Variants in SPAG16 observed in about 807,000 individuals in gnomAD.
SPAG16 encodes sperm-associated antigen 16 protein.
In SPAG16, 86 loss-of-function variants were observed where a neutral mutation model predicts 80.4. The ratio of observed to expected loss-of-function variants is 1.07; its 90% CI spans 0.90 to 1.28. SPAG16 has a LOEUF of 1.28. SPAG16 is among the 50% of genes most tolerant of loss of function. The pLI is 0.00. For missense variants in SPAG16, 870 were observed against 765.3 expected (o/e 1.14, Z -1.61); for synonymous variants, 294 against 265.9 (o/e 1.11, Z -1.03).
chr2:213,581,911 A>T (rs1463770400), intron 10 of SPAG16, among the ~76,000 whole-genome samples: 1 of 152,124 alleles, frequency 6.6e-6, no homozygotes, highest in East Asian at 1.9e-4. Context: ...TAAAAGAGCC[A>T]CAAGATTTCC....
chr2:213,485,932 A>G (rs2073952151), intron 9 of SPAG16, among the ~76,000 whole-genome samples: 1 of 152,088 alleles, frequency 6.6e-6, no homozygotes, highest in East Asian at 1.9e-4. Flanking sequence ...AGAAAGAGGT[A>G]CCCATTGGGT....
chr2:214,076,304 CAT>C (rs931953192), intron 13 of SPAG16, among the ~76,000 whole-genome samples: 2 of 152,084 alleles, frequency 1.3e-5, no homozygotes, highest in Non-Finnish European at 2.9e-5. Flanking sequence ...ATATCTAAAA[CAT>C]ATTAGTTAAC....
chr2:214,124,451 A>C (rs372166893), intron 14 of SPAG16, among the ~76,000 whole-genome samples: 1 of 151,844 alleles, frequency 6.6e-6, no homozygotes, highest in Non-Finnish European at 1.5e-5. Context: ...CTTAATTTGC[A>C]TGTGATTTAA....
At position 213,692,941 on chromosome 2, in the gene SPAG16, C is replaced by A. The variant is rs188950186; in HGVS notation, c.1071-169544C>A. The stretch of plus-strand genomic sequence containing the variant: ...ACATTTTAAGAATGTTCACTGAAAA[C>A]CCTTTTAAAACAACAGGTTCTGAAT... On this transcript the variant is annotated intron_variant, in intron 10 of 15. Coordinates refer to ENST00000331683, the MANE Select transcript of SPAG16 (RefSeq NM_024532.5). 8.5e-4 allele frequency among the ~76,000 whole-genome samples: 130 copies of A among 152,086 alleles called. No individual in the cohort carries two copies. The East Asian group carries it at 0.016, about 19-fold the overall frequency.
In SPAG16 at chr2:213,980,712, G is replaced by GTGTATA. The variant is rs1469351640; in HGVS notation, c.1401-33238_1401-33237insGTATAT. ...ATAGAATATATGTGTGTGTGTGTGT[G>GTGTATA]TATATATATATATAGAGAGAGAGAG... On this transcript the variant is annotated intron_variant, in intron 12 of 15. Transcript: ENST00000331683. 2.2e-3 allele frequency among the ~76,000 whole-genome samples: 256 copies of GTGTATA among 113,954 alleles called. 5 individuals are homozygous for GTGTATA. Among genetic ancestry groups the GTGTATA allele is most frequent in the African/African-American group, 9.4e-3 (244 of 26,090 alleles). The allele number at this position is 113,954 out of a possible 152,430, so 74.8% of individuals were successfully genotyped here.
chr2:214,198,252 C>T (rs2057903471), intron 15 of SPAG16, among the ~76,000 whole-genome samples: 1 of 151,984 alleles, frequency 6.6e-6, no homozygotes, highest in African/African-American at 2.4e-5. Flanking sequence ...CTCTCCTACC[C>T]TTCCCCCACC....
chr2:213,839,813 T>C (rs2125750909), intron 10 of SPAG16, among the ~76,000 whole-genome samples: 1 of 152,264 alleles, frequency 6.6e-6, no homozygotes, highest in South Asian at 2.1e-4. Context: ...ATTACTCACA[T>C]TTTCATGAGC....
chr2:213,959,226 G>A (rs969935239), intron 12 of SPAG16, among the ~76,000 whole-genome samples: 2 of 152,068 alleles, frequency 1.3e-5, no homozygotes, highest in East Asian at 3.9e-4. Context: ...ATATGTCTCA[G>A]TGTGGTCTCT....
chr2:213,320,875 A>C (rs1281618643), intron 5 of SPAG16, among the ~76,000 whole-genome samples: 3 of 152,012 alleles, frequency 2.0e-5, no homozygotes, highest in South Asian at 4.1e-4. Flanking sequence ...TGCTGCAATT[A>C]AGTTTTGAAA....
At chr2:213,293,165 C>A (rs2062364324) in intron 1 of SPAG16, among the ~76,000 whole-genome samples, 1 of 152,118 alleles carries the variant, frequency 6.6e-6, no homozygotes, top group Non-Finnish European at 1.5e-5. Context: ...CTGCTTGCAC[C>A]CATTCTCTCT....
intron 13 of SPAG16, among the ~76,000 whole-genome samples, chr2:214,060,672 G>A (rs2050215774): frequency 1.3e-5 from 2 of 151,906 alleles, no homozygotes; most frequent in South Asian, 4.2e-4. Context: ...CTGTAAAGAG[G>A]GTAGATATCT....
At chr2:213,774,142 C>T (rs1231039515) in intron 10 of SPAG16, among the ~76,000 whole-genome samples, 1 of 152,000 alleles carries the variant, frequency 6.6e-6, no homozygotes, top group Non-Finnish European at 1.5e-5. Context: ...ATCTTTTGGT[C>T]TCTTTATCTT....
chr2:213,736,475 A>T (rs568695782), intron 10 of SPAG16, among the ~76,000 whole-genome samples: 18 of 152,004 alleles, frequency 1.2e-4, no homozygotes, highest in African/African-American at 3.9e-4. Context: ...TTTAGTAGAG[A>T]CAGGGTTTCG....
intron 9 of SPAG16, among the ~76,000 whole-genome samples, chr2:213,403,191 T>C (rs1483769211): frequency 6.6e-6 from 1 of 152,200 alleles, no homozygotes; most frequent in African/African-American, 2.4e-5. Context: ...ATGATGAGCA[T>C]TTTTCATGTG....
chr2:213,806,722 A>G (rs987880232), intron 10 of SPAG16, among the ~76,000 whole-genome samples: 1 of 152,202 alleles, frequency 6.6e-6, no homozygotes, highest in African/African-American at 2.4e-5. Flanking sequence ...AAGATATTAT[A>G]TAGTTATTGA....
intron 15 of SPAG16, among the ~76,000 whole-genome samples, chr2:214,251,060 G>T (rs929562285): frequency 6.6e-6 from 1 of 151,550 alleles, no homozygotes; most frequent in African/African-American, 2.4e-5. Context: ...CAGTTAAATG[G>T]AAACATTTAA....
intron 10 of SPAG16, among the ~76,000 whole-genome samples, chr2:213,834,046 T>C (rs752219975): frequency 1.3e-5 from 2 of 152,096 alleles, no homozygotes; most frequent in Non-Finnish European, 2.9e-5. Context: ...CTTGTGGTAG[T>C]GAATAAGTCT....
At chr2:213,589,823 G>A (rs1220791164) in intron 10 of SPAG16, among the ~76,000 whole-genome samples, 1 of 151,802 alleles carries the variant, frequency 6.6e-6, no homozygotes, top group Non-Finnish European at 1.5e-5. Context: ...TCGGGTGGCT[G>A]AGGCTGGGGA....
At chr2:213,409,357 A>G (rs879893149) in intron 9 of SPAG16, among the ~76,000 whole-genome samples, 1 of 152,218 alleles carries the variant, frequency 6.6e-6, no homozygotes, top group Non-Finnish European at 1.5e-5. Context: ...GGGAGGCATA[A>G]GAATGTGGAT....
Sources: gnomAD v4.1 joint callset for allele counts (sites outside exome capture counted in the v4.1 genomes callset) on GRCh38, gnomAD v4.1.1 for gene constraint, MANE v1.5 for transcripts, NCBI Gene and HGNC (gene_info 2026-07-23, HGNC 2026-07-21) for gene names.